Variants in PTPN13 observed in about 807,000 individuals in gnomAD.
The protein encoded by PTPN13 is tyrosine-protein phosphatase non-receptor type 13.
PTPN13 carries 191 observed loss-of-function variants against 284.0 expected under a neutral mutation model. The ratio of observed to expected loss-of-function variants is 0.67; its 90% CI spans 0.60 to 0.76. PTPN13 has a LOEUF of 0.76. Among genes scored for constraint, PTPN13 ranks in the 30% least tolerant of loss-of-function variants. The probability of loss-of-function intolerance (pLI) is 0.00; values close to 1 mark genes in which losing one functional copy is unlikely to be tolerated. For synonymous variants in PTPN13, 986 were observed against 1,022.3 expected, an observed-to-expected ratio of 0.96 and a Z score of 0.68; for missense variants, 2,797 against 2,939.9, an observed-to-expected ratio of 0.95 and a Z score of 1.12.
At chr4:86,713,625 CCAGA>C (rs1040606866) in intron 7 of PTPN13, among the ~76,000 whole-genome samples, 1 of 152,018 alleles carries the variant, frequency 6.6e-6, no homozygotes, top group African/African-American at 2.4e-5. Flanking sequence ...ATACACAAAG[CCAGA>C]CAAAGTCAAG....
rs1030213890 is a variant in PTPN13 at position 86,701,419 on chromosome 4, A to T, written c.813A>T (p.Thr271=). ...DNSGREDSEN[T]FSPYQFKTSG... ...CTGGACGTGAAGATTCTGAAAATAC[A>T]TTCTCCCCTTACCAGTTCAAAACTA... Residue 271 remains threonine, a synonymous_variant, in exon 7 of 48, where the codon ACA becomes ACT. Coordinates refer to ENST00000411767, the MANE Select transcript of PTPN13 (RefSeq NM_080683.3). 6.2e-7 allele frequency: 1 copy of T among 1,613,642 alleles called. No individual in the cohort carries two copies. The highest frequency in any genetic ancestry group is 8.5e-7 in the Non-Finnish European group (1 of 1,179,788).
At chr4:86,734,075 G>C (rs1735235405) in intron 12 of PTPN13, among the ~76,000 whole-genome samples, 1 of 152,144 alleles carries the variant, frequency 6.6e-6, no homozygotes, top group Non-Finnish European at 1.5e-5. Context: ...ACCAGGTGTT[G>C]AATCTAGGAC....
chr4:86,598,327 T>C (rs1373349367), intron 1 of PTPN13, among the ~76,000 whole-genome samples: 1 of 152,012 alleles, frequency 6.6e-6, no homozygotes, highest in Non-Finnish European at 1.5e-5. Flanking sequence ...ATATTTTTAG[T>C]AGAGACGAGG....
At chr4:86,799,335 T>C in intron 42 of PTPN13, 131 bp downstream of exon 42, 1 of 501,154 alleles carries the variant, frequency 2.0e-6, no homozygotes, top group Non-Finnish European at 3.2e-6. Flanking sequence ...TTTTTTTTTC[T>C]TTTTTTGAGA....
intron 7 of PTPN13, 28 bp from the exon 8 acceptor site, chr4:86,716,502 T>A (rs1470465780): frequency 1.5e-6 from 2 of 1,369,654 alleles, no homozygotes; most frequent in Non-Finnish European, 2.0e-6. Flanking sequence ...GAGTTTGCTT[T>A]CTAATCTTTT....
At chr4:86,751,915 TTGTA>T (rs1737426972) in intron 19 of PTPN13, among the ~76,000 whole-genome samples, 1 of 143,696 alleles carries the variant, frequency 7.0e-6, no homozygotes, top group Admixed American at 7.3e-5. Context: ...TTAAGTGAAA[TTGTA>T]TGTATGTGTG....
Position 86,672,357 on chromosome 4 carries a change from C to T in PTPN13, c.116-8C>T. ...TTTATTTTTTATTTTGGTGCAATTACAAACCAGTAAGCCTAGCTGATCCTG... is the reference window on the plus strand; with the variant it reads ...TTTATTTTTTATTTTGGTGCAATTATAAACCAGTAAGCCTAGCTGATCCTG... On this transcript the variant is annotated splice_polypyrimidine_tract_variant and splice_region_variant and intron_variant, in intron 2 of 47. Coordinates refer to ENST00000411767, the MANE Select transcript of PTPN13 (RefSeq NM_080683.3). The T allele has an allele frequency of 6.6e-7, 1 of 1,510,080 alleles. No individual in the cohort carries two copies. The highest frequency in any genetic ancestry group is 8.8e-7 in the Non-Finnish European group (1 of 1,132,830). 93.5% of individuals were successfully genotyped at this position (1,510,080 alleles called of 1,614,324 possible).
intron 1 of PTPN13, among the ~76,000 whole-genome samples, chr4:86,599,596 A>G (rs1764118439): frequency 6.6e-6 from 1 of 151,888 alleles, no homozygotes; most frequent in Non-Finnish European, 1.5e-5. Context: ...CTCATCACAG[A>G]AAGTCCTGTA....
rs777262649 is a variant in PTPN13 at position 86,750,502 on chromosome 4, G to A, written c.2683G>A (p.Ala895Thr). The A allele has an allele frequency of 1.9e-6, 3 of 1,613,678 alleles. No individual in the cohort carries two copies. Among genetic ancestry groups the A allele is most frequent in the African/African-American group, 1.3e-5 (1 of 75,016 alleles). Residue 895 changes from alanine to threonine, a missense_variant, in exon 18 of 48, where the codon GCA becomes ACA. Transcript: ENST00000411767. ...TTCGTTTAGGAGCCTGAATCTCCAA[G>A]CAGAGTCTGTTAGAGGATTTAATAT... ...RASFRSLNLQ[A>T]ESVRGFNMGR...
chr4:86,771,143 C>T (rs149344393), intron 30 of PTPN13, 28 bp from the exon 31 acceptor site: 2 of 1,538,862 alleles, frequency 1.3e-6, no homozygotes, highest in African/African-American at 2.8e-5. Flanking sequence ...AGAATGGTCA[C>T]AAATCTCTTT....
At chr4:86,797,781 C>T (rs1282862615) in intron 41 of PTPN13, among the ~76,000 whole-genome samples, 1 of 151,678 alleles carries the variant, frequency 6.6e-6, no homozygotes, top group Non-Finnish European at 1.5e-5. Flanking sequence ...GTAAGAAACC[C>T]ACAAAATATG....
chr4:86,702,419 G>A (rs1233862083), intron 7 of PTPN13, among the ~76,000 whole-genome samples: 9 of 152,180 alleles, frequency 5.9e-5, no homozygotes, highest in Non-Finnish European at 1.3e-4. Context: ...TAGTAACTAT[G>A]TGGTCTTTAC....
At chr4:86,786,020 T>G (rs1343192825) in intron 40 of PTPN13, 84 bp downstream of exon 40, 1 of 687,752 alleles carries the variant, frequency 1.5e-6, no homozygotes, top group Admixed American at 3.8e-5. Flanking sequence ...AATCAGAGAT[T>G]CTTTCCTGTT....
At chr4:86,699,292 G>T (rs971550608) in intron 6 of PTPN13, among the ~76,000 whole-genome samples, 1 of 151,908 alleles carries the variant, frequency 6.6e-6, no homozygotes, top group Non-Finnish European at 1.5e-5. Context: ...AGGCTGAGGC[G>T]GGAGAATGGC....
intron 2 of PTPN13, among the ~76,000 whole-genome samples, chr4:86,664,209 A>T (rs1726817633): frequency 6.6e-6 from 1 of 152,228 alleles, no homozygotes; most frequent in African/African-American, 2.4e-5. Flanking sequence ...AAAGTCAGAC[A>T]TTGTAAATAA....
At chr4:86,646,832 A>G (rs1486630342) in intron 2 of PTPN13, among the ~76,000 whole-genome samples, 1 of 152,244 alleles carries the variant, frequency 6.6e-6, no homozygotes, top group African/African-American at 2.4e-5. Flanking sequence ...CAACAAGTGA[A>G]TAGATAAACA....
At chr4:86,607,796 C>A (rs951037924) in intron 1 of PTPN13, among the ~76,000 whole-genome samples, 2 of 151,838 alleles carry the variant, frequency 1.3e-5, no homozygotes, top group African/African-American at 4.8e-5. Context: ...ATATATTTTC[C>A]TTTTAGCTTT....
Position 86,809,777 on chromosome 4 carries a change from G to A in PTPN13, c.7092G>A (p.Glu2364=), listed in dbSNP as rs750978334. The change falls in exon 46 of 48, where the codon GAG becomes GAA. Residue 2364 remains glutamate (E), a synonymous_variant. Transcript: ENST00000411767. ...CTGTTATACAATTTCAGACCAGAGA[G>A]GTGCGCCATATTTCTCATCTGAATT... ...AMTLEDIQTR[E]VRHISHLNFT... 1 of 1,613,662 alleles carries A rather than the reference G, an allele frequency of 6.2e-7. No homozygotes were observed. The highest frequency in any genetic ancestry group is 1.7e-5 in the Admixed American group (1 of 60,028).
At chr4:86,750,393 CT>C in intron 17 of PTPN13, 76 bp from the exon 18 acceptor site, 1 of 1,307,410 alleles carries the variant, frequency 7.6e-7, no homozygotes, top group Non-Finnish European at 1.1e-6. Flanking sequence ...CTGCATGCTG[CT>C]TATTTATTAA....
Sources: allele counts gnomAD v4.1 joint callset (sites outside exome capture counted in the v4.1 genomes callset), GRCh38; gene constraint gnomAD v4.1.1; transcripts MANE v1.5; gene names NCBI Gene and HGNC (gene_info 2026-07-23, HGNC 2026-07-21).